The following CARMIL1 variants were observed in gnomAD, a reference collection of about 807,000 sequenced individuals.
CARMIL1 encodes the protein F-actin-uncapping protein LRRC16A.
In CARMIL1, 90 loss-of-function variants were observed where a neutral mutation model predicts 177.1. The observed-to-expected ratio is 0.51, with a 90% CI of 0.43 to 0.61. The LOEUF is 0.61. Among genes scored for constraint, CARMIL1 ranks in the 20% least tolerant of loss-of-function variants. CARMIL1 has a pLI of 0.00. For missense variants in CARMIL1, 1,380 were observed against 1,667.0 expected (o/e 0.83, Z 3.00); for synonymous variants, 577 against 606.2 (o/e 0.95, Z 0.71).
intron 9 of CARMIL1, among the ~76,000 whole-genome samples, chr6:25,466,492 T>C (rs953594751): frequency 4.6e-5 from 7 of 152,226 alleles, no homozygotes; most frequent in Non-Finnish European, 7.3e-5. Context: ...ATTTTATTAG[T>C]GGAAATAAGA....
At chr6:25,610,679 C>T (rs1425807771) in intron 36 of CARMIL1, among the ~76,000 whole-genome samples, 2 of 152,206 alleles carry the variant, frequency 1.3e-5, no homozygotes, top group African/African-American at 2.4e-5. Flanking sequence ...AAGTGTGGTG[C>T]AGACATGGAC....
chr6:25,438,549 A>T (rs1581941303), intron 5 of CARMIL1, among the ~76,000 whole-genome samples: 1 of 152,216 alleles, frequency 6.6e-6, no homozygotes, highest in Non-Finnish European at 1.5e-5. Flanking sequence ...CGCCTGCCCT[A>T]TAAGAGTAGG....
chr6:25,346,832 T>C (rs1048733979), intron 2 of CARMIL1, among the ~76,000 whole-genome samples: 3 of 152,210 alleles, frequency 2.0e-5, no homozygotes, highest in Admixed American at 6.5e-5. Context: ...TTAAAGTATA[T>C]TTATTACAGG....
chr6:25,349,587 T>A (rs980822242), intron 2 of CARMIL1, among the ~76,000 whole-genome samples: 1 of 152,200 alleles, frequency 6.6e-6, no homozygotes, highest in Non-Finnish European at 1.5e-5. Context: ...TTGTGGCTTC[T>A]CTTTAAAAGA....
At chr6:25,280,934 T>A (rs1257042060) in intron 1 of CARMIL1, among the ~76,000 whole-genome samples, 1 of 152,062 alleles carries the variant, frequency 6.6e-6, no homozygotes, top group South Asian at 2.1e-4. Context: ...CTGTTGTTTC[T>A]TTTAGCTAAT....
intron 2 of CARMIL1, chr6:25,287,317 G>A (rs1332743242): frequency 2.0e-5 from 3 of 152,112 alleles, no homozygotes; most frequent in East Asian, 1.9e-4. Context: ...TGTATTTTAC[G>A]TGGTTCTTTC....
chr6:25,392,088 GTGTGTGTGTGTA>G (rs1485077652), intron 2 of CARMIL1, among the ~76,000 whole-genome samples: 1 of 127,212 alleles, frequency 7.9e-6, no homozygotes, highest in African/African-American at 2.7e-5. Context: ...GTGTGTGTGT[GTGTGTGTGTGTA>G]TCACATGTGG....
chr6:25,300,603 C>T (rs151043504), intron 2 of CARMIL1, among the ~76,000 whole-genome samples: 184 of 152,232 alleles, frequency 1.2e-3, no homozygotes, highest in African/African-American at 4.1e-3. Flanking sequence ...GGGCTGAGAT[C>T]GTGCTACTGC....
intron 5 of CARMIL1, among the ~76,000 whole-genome samples, chr6:25,439,282 T>C (rs1406272284): frequency 6.6e-6 from 1 of 152,114 alleles, no homozygotes; most frequent in Non-Finnish European, 1.5e-5. Flanking sequence ...TCCTCCAAGC[T>C]CCACTAGGTG....
chr6:25,477,006 T>C lies in CARMIL1; in HGVS notation c.874+4485T>C, dbSNP rs1801631560. Reference sequence around the variant, plus strand: ...CGAGAGGCTGAGGCAGGAGAATCGCTTGAATCAGGGAGTCAGAGGTTGCAG... The same window carrying C: ...CGAGAGGCTGAGGCAGGAGAATCGCCTGAATCAGGGAGTCAGAGGTTGCAG... On this transcript the variant is annotated intron_variant, in intron 11 of 36. Transcript: ENST00000329474. Among the ~76,000 whole-genome samples, 7 of 151,396 alleles carry C rather than the reference T, an allele frequency of 4.6e-5. No homozygotes were observed. In the South Asian group the frequency reaches 1.5e-3, roughly 32 times the overall value.
intron 12 of CARMIL1, 109 bp from the exon 13 acceptor site, chr6:25,488,373 T>A: frequency 1.2e-6 from 1 of 817,286 alleles, no homozygotes. Context: ...GTGCTCATGG[T>A]TAACCTCAGT....
intron 2 of CARMIL1, among the ~76,000 whole-genome samples, chr6:25,309,643 C>T (rs1783614112): frequency 6.6e-6 from 1 of 151,908 alleles, no homozygotes. Context: ...ATGTGGCCTT[C>T]ATGTCTGGCT....
chr6:25,443,721 G>T (rs1469376331), intron 5 of CARMIL1, among the ~76,000 whole-genome samples: 1 of 152,170 alleles, frequency 6.6e-6, no homozygotes, highest in Non-Finnish European at 1.5e-5. Context: ...TGTTTTTGCT[G>T]GAGAAGGTTT....
chr6:25,418,168 T>C (rs1795524793), intron 2 of CARMIL1, among the ~76,000 whole-genome samples: 1 of 152,178 alleles, frequency 6.6e-6, no homozygotes, highest in South Asian at 2.1e-4. Context: ...GCTAGTAGGT[T>C]GACCAACAGT....
intron 2 of CARMIL1, among the ~76,000 whole-genome samples, chr6:25,325,303 A>G (rs975793846): frequency 4.6e-5 from 7 of 152,208 alleles, no homozygotes; most frequent in Admixed American, 3.3e-4. Flanking sequence ...GGGTGTTGAC[A>G]TATTGTCACA....
At chr6:25,369,437 A>T (rs1022218809) in intron 2 of CARMIL1, among the ~76,000 whole-genome samples, 64 of 148,938 alleles carry the variant, frequency 4.3e-4, no homozygotes, top group Middle Eastern at 6.8e-3. Context: ...TTCTCAGTTA[A>T]TCAGATGCTT....
At chr6:25,559,733 A>G (rs1168443772) in intron 29 of CARMIL1, among the ~76,000 whole-genome samples, 1 of 152,230 alleles carries the variant, frequency 6.6e-6, no homozygotes, top group Non-Finnish European at 1.5e-5. Flanking sequence ...GTTTGTTCAC[A>G]GATCCTGGCA....
At chr6:25,544,661 G>T (rs922979711) in intron 26 of CARMIL1, among the ~76,000 whole-genome samples, 2 of 148,222 alleles carry the variant, frequency 1.3e-5, no homozygotes, top group African/African-American at 5.0e-5. Context: ...AACACTAAAG[G>T]ATATACTTTA....
chr6:25,396,699 CTTTG>C (rs1311318028), intron 2 of CARMIL1, among the ~76,000 whole-genome samples: 3 of 152,096 alleles, frequency 2.0e-5, no homozygotes, highest in Admixed American at 6.6e-5. Context: ...CTCATGGTAA[CTTTG>C]TTTATTTTTT....
Sources: gnomAD v4.1 joint callset for allele counts (sites outside exome capture counted in the v4.1 genomes callset) on GRCh38, gnomAD v4.1.1 for gene constraint, MANE v1.5 for transcripts, NCBI Gene and HGNC (gene_info 2026-07-23, HGNC 2026-07-21) for gene names.